RSRC1: variants seen among roughly 807,000 people sequenced by gnomAD.
RSRC1 encodes the protein arginine and serine rich coiled-coil 1.
Under a neutral mutation model 49.1 loss-of-function variants are expected in RSRC1, and 39 were observed. That is an observed-to-expected ratio of 0.79 (90% CI 0.61 to 1.04). The LOEUF (loss-of-function observed/expected upper bound fraction) is 1.04. Ranked by LOEUF, RSRC1 falls within the 50% of genes least tolerant of loss-of-function variation. The pLI is 0.00. For missense variants in RSRC1, 388 were observed against 402.4 expected, an observed-to-expected ratio of 0.96 and a Z score of 0.31; for synonymous variants, 143 against 130.8, an observed-to-expected ratio of 1.09 and a Z score of -0.63.
At chr3:158,180,866 G>C (rs991900900) in intron 3 of RSRC1, among the ~76,000 whole-genome samples, 2 of 146,396 alleles carry the variant, frequency 1.4e-5, no homozygotes, top group East Asian at 4.1e-4. Flanking sequence ...GTGCAATGGC[G>C]CAATCTCGGC....
rs116196292 is a variant in RSRC1, at chr3:158,228,526, C to T, written c.494+25281C>T. ...TGGGGGGAAACCCTCTTTTTAGATCCCATATCATAACTTTTCCATTATAAT... is the reference window on the plus strand; with the variant it reads ...TGGGGGGAAACCCTCTTTTTAGATCTCATATCATAACTTTTCCATTATAAT... On this transcript the variant is annotated intron_variant, in intron 4 of 9. Transcript: ENST00000611884. Among the ~76,000 whole-genome samples, 484 of 151,754 alleles carry T rather than the reference C, an allele frequency of 3.2e-3. 3 individuals are homozygous for T. The highest frequency in any genetic ancestry group is 0.011 in the African/African-American group (461 of 41,426).
intron 3 of RSRC1, among the ~76,000 whole-genome samples, chr3:158,176,996 C>G (rs1719261900): frequency 6.6e-6 from 1 of 152,168 alleles, no homozygotes; most frequent in South Asian, 2.1e-4. Flanking sequence ...TGAACAGACA[C>G]TTCTCAAAAG....
intron 7 of RSRC1, among the ~76,000 whole-genome samples, chr3:158,465,252 T>C (rs1239881405): frequency 2.0e-5 from 3 of 152,190 alleles, no homozygotes; most frequent in Admixed American, 1.3e-4. Context: ...ACACCTAGCC[T>C]TCAGAATCTG....
chr3:158,483,237 A>G (rs1044978948), intron 7 of RSRC1, among the ~76,000 whole-genome samples: 1 of 152,064 alleles, frequency 6.6e-6, no homozygotes. Context: ...AATTAGGTCT[A>G]TTAGTGGTAG....
At chr3:158,485,115 A>G (rs1178041287) in intron 7 of RSRC1, among the ~76,000 whole-genome samples, 1 of 152,034 alleles carries the variant, frequency 6.6e-6, no homozygotes. Flanking sequence ...CTTTATCATT[A>G]TGATTCCAGA....
chr3:158,372,923 T>A lies in RSRC1; in HGVS notation c.583+18015T>A, dbSNP rs1410418156. Among the ~76,000 whole-genome samples, 3 of 151,900 alleles carry A rather than the reference T, an allele frequency of 2.0e-5. No individual in the cohort carries two copies. In the East Asian group the frequency reaches 5.8e-4, roughly 29 times the overall value. ...TACATCTTGCATGTATTTGTTAAAT[T>A]TATTCCTAAATATTTCATGTTCTGG... On this transcript the variant is annotated intron_variant, in intron 6 of 9. Transcript: ENST00000611884.
chr3:158,123,759 A>G (rs936376950), intron 2 of RSRC1, 107 bp from the exon 3 acceptor site: 4 of 1,038,522 alleles, frequency 3.9e-6, no homozygotes, highest in South Asian at 3.2e-5. Flanking sequence ...TCCAGGAAAC[A>G]GTGAGACAGT....
chr3:158,224,334 C>T (rs1722398699), intron 4 of RSRC1, among the ~76,000 whole-genome samples: 1 of 151,688 alleles, frequency 6.6e-6, no homozygotes, highest in Non-Finnish European at 1.5e-5. Context: ...CCACATTTCC[C>T]CCATCCTGTT....
At chr3:158,168,842 T>C (rs763494679) in intron 3 of RSRC1, among the ~76,000 whole-genome samples, 17 of 152,152 alleles carry the variant, frequency 1.1e-4, no homozygotes, top group Non-Finnish European at 2.2e-4. Flanking sequence ...ATTTCTTGTA[T>C]AGCTAAGGTT....
intron 5 of RSRC1, among the ~76,000 whole-genome samples, chr3:158,324,123 T>C (rs1027656589): frequency 6.6e-6 from 1 of 152,220 alleles, no homozygotes; most frequent in Non-Finnish European, 1.5e-5. Flanking sequence ...TATATCAATA[T>C]AGCAAAATTC....
At chr3:158,501,194 C>G (rs1739574097) in intron 7 of RSRC1, among the ~76,000 whole-genome samples, 2 of 152,070 alleles carry the variant, frequency 1.3e-5, no homozygotes, top group South Asian at 4.1e-4. Context: ...GAATTAATTT[C>G]CAGTTTTATT....
intron 4 of RSRC1, among the ~76,000 whole-genome samples, chr3:158,273,849 T>C (rs1725655069): frequency 6.6e-6 from 1 of 152,048 alleles, no homozygotes; most frequent in Non-Finnish European, 1.5e-5. Flanking sequence ...TCCCTCTGTC[T>C]TTCTCTCACT....
chr3:158,333,095 A>C (rs554948611), intron 5 of RSRC1, among the ~76,000 whole-genome samples: 2 of 152,038 alleles, frequency 1.3e-5, no homozygotes, highest in South Asian at 4.1e-4. Context: ...CAGCCTCCCA[A>C]GTAGCTGGGA....
At chr3:158,137,694 C>G (rs1716472564) in intron 3 of RSRC1, among the ~76,000 whole-genome samples, 1 of 148,108 alleles carries the variant, frequency 6.8e-6, no homozygotes, top group South Asian at 2.1e-4. Flanking sequence ...GCACCTGTCG[C>G]CCAGGCTGGA....
In RSRC1 at chr3:158,229,319, C is replaced by CACAT. The variant is rs1559952530; in HGVS notation, c.494+26075_494+26076insCATA. ...GTATATGTGTATGTATGTATATAAA[C>CACAT]ATACACAGGTATATGTGTATGTATG... On this transcript the variant is annotated intron_variant, in intron 4 of 9. Coordinates refer to ENST00000611884, the MANE Select transcript of RSRC1 (RefSeq NM_001271838.2). Among the ~76,000 whole-genome samples, 17 of 145,952 alleles carry CACAT rather than the reference C, an allele frequency of 1.2e-4. 1 individual carries two copies. Among genetic ancestry groups the CACAT allele is most frequent in the African/African-American group, 3.8e-4 (15 of 39,452 alleles).
intron 4 of RSRC1, among the ~76,000 whole-genome samples, chr3:158,286,025 T>C (rs928628102): frequency 5.3e-5 from 8 of 152,218 alleles, no homozygotes; most frequent in African/African-American, 1.9e-4. Context: ...CTATAAAATT[T>C]TCCTAACTGT....
At chr3:158,517,538 A>G (rs747575264) in intron 7 of RSRC1, among the ~76,000 whole-genome samples, 5 of 150,900 alleles carry the variant, frequency 3.3e-5, no homozygotes, top group Non-Finnish European at 7.4e-5. Context: ...CAGATCAGAG[A>G]TGTTTCCTTC....
At chr3:158,259,678 C>G (rs1392245909) in intron 4 of RSRC1, among the ~76,000 whole-genome samples, 1 of 152,180 alleles carries the variant, frequency 6.6e-6, no homozygotes, top group Non-Finnish European at 1.5e-5. Flanking sequence ...GAGTTCCCCC[C>G]AGCCCCAGGC....
At chr3:158,146,251 T>C (rs528531046) in intron 3 of RSRC1, among the ~76,000 whole-genome samples, 11 of 152,330 alleles carry the variant, frequency 7.2e-5, no homozygotes, top group African/African-American at 2.6e-4. Flanking sequence ...TTCAGTATGA[T>C]ATTGGCTGTG....
Sources: allele counts gnomAD v4.1 joint callset (sites outside exome capture counted in the v4.1 genomes callset), GRCh38; gene constraint gnomAD v4.1.1; transcripts MANE v1.5; gene names NCBI Gene and HGNC (gene_info 2026-07-23, HGNC 2026-07-21).